The following KCNIP4 variants were observed in gnomAD, a reference collection of about 807,000 sequenced individuals.
The protein encoded by KCNIP4 is Kv channel-interacting protein 4.
In KCNIP4, 12 loss-of-function variants were observed where a neutral mutation model predicts 34.0. The ratio of observed to expected loss-of-function variants is 0.35; its 90% CI spans 0.23 to 0.57. KCNIP4 has a LOEUF of 0.57. Among genes scored for constraint, KCNIP4 ranks in the 20% least tolerant of loss-of-function variants. The pLI is 0.83. For synonymous variants in KCNIP4, 124 were observed against 102.2 expected (o/e 1.21, Z -1.29); for missense variants, 238 against 311.7 (o/e 0.76, Z 1.78).
intron 1 of KCNIP4, among the ~76,000 whole-genome samples, chr4:21,943,689 A>G (rs999565593): frequency 6.6e-6 from 1 of 152,186 alleles, no homozygotes; most frequent in Non-Finnish European, 1.5e-5. Context: ...TGATTCTATA[A>G]GTAATGGAGG....
intron 1 of KCNIP4, among the ~76,000 whole-genome samples, chr4:21,026,819 A>T (rs1302015117): frequency 6.6e-6 from 1 of 152,146 alleles, no homozygotes; most frequent in Non-Finnish European, 1.5e-5. Context: ...AGAATATGAA[A>T]CAGCATCTGA....
intron 1 of KCNIP4, among the ~76,000 whole-genome samples, chr4:20,941,048 G>A (rs1577402866): frequency 6.6e-6 from 1 of 152,174 alleles, no homozygotes. Context: ...GACGACATGA[G>A]TTAATGCTTT....
At chr4:21,857,407 T>G (rs1724824421) in intron 1 of KCNIP4, among the ~76,000 whole-genome samples, 1 of 152,026 alleles carries the variant, frequency 6.6e-6, no homozygotes, top group South Asian at 2.1e-4. Context: ...GACCACCAGC[T>G]GTGGAGAGGA....
At chr4:21,818,073 A>C (rs1286136717) in intron 1 of KCNIP4, among the ~76,000 whole-genome samples, 9 of 152,046 alleles carry the variant, frequency 5.9e-5, no homozygotes. Context: ...TGAAACCCTT[A>C]ATAAAAACCT....
chr4:20,969,666 C>G lies in KCNIP4; in HGVS notation c.62-86957G>C, dbSNP rs551108024. ...AACATAATTCTAAATATATAAGGAA[C>G]TTCACACACAGATAATTCATTACAT... On this transcript the variant is annotated intron_variant, in intron 1 of 8. Transcript: ENST00000382152. 5.3e-5 allele frequency among the ~76,000 whole-genome samples: 8 copies of G among 152,076 alleles called. No homozygotes were observed. The East Asian group carries it at 1.5e-3, about 29-fold the overall frequency.
At chr4:21,171,223 G>T (rs1754001082) in intron 1 of KCNIP4, among the ~76,000 whole-genome samples, 1 of 152,180 alleles carries the variant, frequency 6.6e-6, no homozygotes, top group Non-Finnish European at 1.5e-5. Flanking sequence ...AAAACTGTGG[G>T]ATAAAGGAGA....
chr4:21,587,544 AAACAAC>A (rs148342637), intron 1 of KCNIP4, among the ~76,000 whole-genome samples: 125,599 of 150,790 alleles, frequency 0.83, 52,394 homozygotes, highest in East Asian at 0.99. Flanking sequence ...TCTTCCCTGC[AAACAAC>A]AACAACAACA....
intron 1 of KCNIP4, among the ~76,000 whole-genome samples, chr4:21,071,421 T>C (rs1206850363): frequency 1.3e-5 from 2 of 152,150 alleles, no homozygotes; most frequent in African/African-American, 4.8e-5. Context: ...TGAGCGTCTT[T>C]TTGGGTTCTT....
intron 1 of KCNIP4, among the ~76,000 whole-genome samples, chr4:21,937,861 G>A (rs1347113855): frequency 6.6e-6 from 1 of 151,998 alleles, no homozygotes; most frequent in Non-Finnish European, 1.5e-5. Flanking sequence ...TCTGCCTGCT[G>A]TTTTACTCCC....
chr4:21,674,611 G>A (rs938388095), intron 1 of KCNIP4, among the ~76,000 whole-genome samples: 8 of 152,160 alleles, frequency 5.3e-5, no homozygotes, highest in African/African-American at 1.9e-4. Context: ...GAGAAATGAA[G>A]CTCAGATTGA....
intron 1 of KCNIP4, among the ~76,000 whole-genome samples, chr4:21,418,806 G>A (rs570538027): frequency 6.6e-6 from 1 of 152,222 alleles, no homozygotes; most frequent in African/African-American, 2.4e-5. Context: ...GGGTGCTGAT[G>A]TTCTTTGCTC....
chr4:21,470,678 G>A (rs1215663866), intron 1 of KCNIP4, among the ~76,000 whole-genome samples: 1 of 152,130 alleles, frequency 6.6e-6, no homozygotes, highest in East Asian at 1.9e-4. Flanking sequence ...GAGGCACACA[G>A]TCACAGACAA....
chr4:20,864,411 A>T (rs922176427), intron 2 of KCNIP4, among the ~76,000 whole-genome samples: 2 of 151,346 alleles, frequency 1.3e-5, no homozygotes, highest in Non-Finnish European at 2.9e-5. Context: ...TATAACATAT[A>T]TATACATACA....
chr4:21,325,807 T>C (rs1363229261), intron 1 of KCNIP4, among the ~76,000 whole-genome samples: 5 of 151,946 alleles, frequency 3.3e-5, no homozygotes, highest in Non-Finnish European at 7.4e-5. Flanking sequence ...TCACTATCAT[T>C]TGTTTCAAGA....
At chr4:21,247,225 T>G (rs114459722) in intron 1 of KCNIP4, among the ~76,000 whole-genome samples, 2,956 of 152,214 alleles carry the variant, frequency 0.019, 93 homozygotes, top group African/African-American at 0.067. Flanking sequence ...GGTCACACAG[T>G]TGCTGACAGG....
chr4:21,299,357 C>T (rs1453831148), intron 1 of KCNIP4, among the ~76,000 whole-genome samples: 1 of 151,918 alleles, frequency 6.6e-6, no homozygotes, highest in East Asian at 1.9e-4. Flanking sequence ...TGAGTGTAAT[C>T]TCTGAATATA....
intron 4 of KCNIP4, among the ~76,000 whole-genome samples, chr4:20,757,181 A>G (rs1305289262): frequency 6.6e-6 from 1 of 152,132 alleles, no homozygotes; most frequent in Admixed American, 6.6e-5. Flanking sequence ...TCTTTATGCC[A>G]CAAAAAGTTA....
At chr4:21,249,277 A>G (rs1760516324) in intron 1 of KCNIP4, among the ~76,000 whole-genome samples, 1 of 152,132 alleles carries the variant, frequency 6.6e-6, no homozygotes, top group African/African-American at 2.4e-5. Flanking sequence ...GGGTAACAGA[A>G]AACTAACAGG....
intron 1 of KCNIP4, among the ~76,000 whole-genome samples, chr4:20,923,376 T>C (rs1051463783): frequency 6.6e-6 from 1 of 152,202 alleles, no homozygotes; most frequent in African/African-American, 2.4e-5. Flanking sequence ...CCTAACATTT[T>C]CTTGTCATTT....
Sources: gnomAD v4.1 joint callset for allele counts (sites outside exome capture counted in the v4.1 genomes callset) on GRCh38, gnomAD v4.1.1 for gene constraint, MANE v1.5 for transcripts, NCBI Gene and HGNC (gene_info 2026-07-23, HGNC 2026-07-21) for gene names.